PTGFRN: variants seen among roughly 807,000 people sequenced by gnomAD.
The protein encoded by PTGFRN is prostaglandin F2 receptor negative regulator.
Under a neutral mutation model 83.2 loss-of-function variants are expected in PTGFRN, and 35 were observed. That is an observed-to-expected ratio of 0.42 (90% CI 0.32 to 0.56). PTGFRN has a LOEUF of 0.56. Among genes scored for constraint, PTGFRN ranks in the 20% least tolerant of loss-of-function variants. The pLI is 0.11. For missense variants in PTGFRN, 1,051 were observed against 1,179.5 expected, an observed-to-expected ratio of 0.89 and a Z score of 1.60; for synonymous variants, 519 against 498.6, an observed-to-expected ratio of 1.04 and a Z score of -0.55.
At chr1:116,935,236 C>G (rs1465939315) in intron 1 of PTGFRN, among the ~76,000 whole-genome samples, 1 of 152,130 alleles carries the variant, frequency 6.6e-6, no homozygotes, top group Non-Finnish European at 1.5e-5. Context: ...TTCTTAGTAT[C>G]CTTGAACTTC....
intron 4 of PTGFRN, among the ~76,000 whole-genome samples, chr1:116,955,263 T>C (rs1399409339): frequency 6.6e-6 from 1 of 152,232 alleles, no homozygotes; most frequent in Non-Finnish European, 1.5e-5. Flanking sequence ...TCCCTGCTTC[T>C]CAGAACGTTA....
Position 116,984,712 on chromosome 1 carries a change from G to A in PTGFRN, c.2200G>A (p.Val734Met), listed in dbSNP as rs1298248484. The A allele has an allele frequency of 6.2e-7, 1 of 1,614,160 alleles. No homozygotes were observed. The highest frequency in any genetic ancestry group is 8.5e-7 in the Non-Finnish European group (1 of 1,180,024). The change falls in exon 8 of 9, where the codon GTG becomes ATG. Residue 734 changes from valine to methionine, a missense_variant. Val to Met is a conservative substitution (Grantham distance 21). Coordinates refer to ENST00000393203, the MANE Select transcript of PTGFRN (RefSeq NM_020440.4). ...DMAFDVSWFAVHSFGLDKAPV... is the reference protein window; with the variant it reads ...DMAFDVSWFAMHSFGLDKAPV... Reference sequence around the variant, plus strand: ...GGCCTTTGATGTGTCCTGGTTTGCGGTGCACTCTTTTGGCCTGGACAAGGC... The same window carrying A: ...GGCCTTTGATGTGTCCTGGTTTGCGATGCACTCTTTTGGCCTGGACAAGGC...
In PTGFRN at chr1:116,942,100, G is replaced by T. The variant is rs1650078618; in HGVS notation, c.418+17G>T. The stretch of plus-strand genomic sequence containing the variant: ...AGGTTAAAGGTACAGTCCTCACATG[G>T]GCTTGTTATGCCAGGGGCCAGACCT... On this transcript the variant is annotated intron_variant, in intron 2 of 8. Transcript: ENST00000393203. 6.3e-7 allele frequency: 1 copy of T among 1,592,004 alleles called. No individual in the cohort carries two copies. The highest frequency in any genetic ancestry group is 1.1e-5 in the South Asian group (1 of 88,490).
intron 2 of PTGFRN, 45 bp from the exon 3 acceptor site, chr1:116,944,634 G>T: frequency 1.5e-6 from 2 of 1,360,070 alleles, no homozygotes; most frequent in Non-Finnish European, 1.9e-6. Flanking sequence ...TTGCCGGCTG[G>T]GGTCGGTGTG....
chr1:116,962,372 C>A (rs1650689298), intron 5 of PTGFRN: 1 of 152,138 alleles, frequency 6.6e-6, no homozygotes, highest in African/African-American at 2.4e-5. Context: ...GTGCTTTGTC[C>A]CACCAGAAAT....
intron 4 of PTGFRN, among the ~76,000 whole-genome samples, chr1:116,956,475 G>A (rs987811685): frequency 1.3e-5 from 2 of 152,236 alleles, no homozygotes; most frequent in Non-Finnish European, 2.9e-5. Flanking sequence ...GTGGAGAATG[G>A]AGTAGAATGA....
chr1:116,910,304 A>G (rs1389340324), intron 1 of PTGFRN, 52 bp downstream of exon 1: 2 of 1,281,190 alleles, frequency 1.6e-6, no homozygotes, highest in African/African-American at 3.1e-5. Flanking sequence ...GAGGCCCTGG[A>G]GGGCTCGGCG....
chr1:116,953,534 T>C (rs1650400178), intron 4 of PTGFRN, among the ~76,000 whole-genome samples: 1 of 152,072 alleles, frequency 6.6e-6, no homozygotes, highest in Non-Finnish European at 1.5e-5. Context: ...TATAAAGTGC[T>C]TAGTACAGTG....
intron 1 of PTGFRN, among the ~76,000 whole-genome samples, chr1:116,931,653 A>G (rs1372519197): frequency 6.6e-6 from 1 of 151,770 alleles, no homozygotes; most frequent in Non-Finnish European, 1.5e-5. Flanking sequence ...TGACTTAGGG[A>G]CTGTCTAGAT....
chr1:116,910,002 A>C lies in PTGFRN; in HGVS notation c.-202A>C. The C allele has an allele frequency of 1.8e-6, 1 of 562,314 alleles. No individual in the cohort carries two copies. The allele number at this position is 562,314 out of a possible 1,614,324, so 34.8% of individuals were successfully genotyped here. A position where few individuals can be genotyped will look rare whatever the true frequency, so the allele number is the denominator to read the frequency against. On this transcript the variant is annotated 5_prime_UTR_variant, in exon 1 of 9. Coordinates refer to ENST00000393203, the MANE Select transcript of PTGFRN (RefSeq NM_020440.4). ...GCCCGGCCGGCTGGAGGAGGGAGGG[A>C]AGGAGGCGGGAGGGAGCGAGCGGAG... is the stretch of plus-strand genomic sequence containing the variant.
At position 116,961,134 on chromosome 1, in the gene PTGFRN, A is replaced by C; in HGVS notation, c.1214-109A>C. On this transcript the variant is annotated intron_variant, in intron 4 of 8. Transcript: ENST00000393203. The surrounding 1 kb of genome is among the most constrained non-coding windows in gnomAD (Gnocchi z 5.4). The stretch of plus-strand genomic sequence containing the variant: ...TTCTGTCTCTCTAGTCCGGCAGGAG[A>C]AGCATTTAATTGTTAAAACAAGAGC... The C allele has an allele frequency of 8.7e-7, 1 of 1,154,012 alleles. No individual in the cohort carries two copies. Among genetic ancestry groups the C allele is most frequent in the Non-Finnish European group, 1.2e-6 (1 of 854,500 alleles). 71.5% of individuals were successfully genotyped at this position (1,154,012 alleles called of 1,614,324 possible). A position where few individuals can be genotyped will look rare whatever the true frequency, so the allele number is the denominator to read the frequency against.
chr1:116,943,247 A>G (rs1650104023), intron 2 of PTGFRN, among the ~76,000 whole-genome samples: 1 of 152,246 alleles, frequency 6.6e-6, no homozygotes, highest in Non-Finnish European at 1.5e-5. Flanking sequence ...GAAACACCCC[A>G]TCTACCTCTT....
intron 1 of PTGFRN, among the ~76,000 whole-genome samples, chr1:116,933,479 T>C (rs1649848736): frequency 6.6e-6 from 1 of 152,198 alleles, no homozygotes; most frequent in Non-Finnish European, 1.5e-5. Flanking sequence ...ATTACTAATA[T>C]TGTATTTATA....
rs1289266449 is a variant in PTGFRN, at chr1:116,910,203, C to G, written c.-1C>G. 1.2e-5 allele frequency: 18 copies of G among 1,476,058 alleles called. No homozygotes were observed. In the East Asian group the frequency reaches 4.6e-4, roughly 37 times the overall value. The allele number at this position is 1,476,058 out of a possible 1,614,324, so 91.4% of individuals were successfully genotyped here. A position where few individuals can be genotyped will look rare whatever the true frequency, so the allele number is the denominator to read the frequency against. ...GGGAGAGTCGCTCCCGCCGGGCGAG[C>G]ATGGGGCGCCTGGCCTCGAGGCCGC... On this transcript the variant is annotated 5_prime_UTR_variant, in exon 1 of 9. Coordinates refer to ENST00000393203, the MANE Select transcript of PTGFRN (RefSeq NM_020440.4).
At chr1:116,910,570 C>T (rs2088910086) in intron 1 of PTGFRN, among the ~76,000 whole-genome samples, 1 of 152,080 alleles carries the variant, frequency 6.6e-6, no homozygotes, top group Non-Finnish European at 1.5e-5. Context: ...TGTTGGCCGC[C>T]GGGAGCCCGG....
intron 1 of PTGFRN, among the ~76,000 whole-genome samples, chr1:116,933,903 T>G (rs1649858532): frequency 6.6e-6 from 1 of 152,242 alleles, no homozygotes; most frequent in Admixed American, 6.5e-5. Context: ...ATATCTTATC[T>G]TGCATCTGTG....
rs1339189756 is a variant in PTGFRN at position 116,958,378 on chromosome 1, T to C, written c.1214-2865T>C. Reference sequence around the variant, plus strand: ...GTCAGTCAGTGGAACTTAGAAAATATGAAGTTTAGAAGACAGTAGGTTTGG... The same window carrying C: ...GTCAGTCAGTGGAACTTAGAAAATACGAAGTTTAGAAGACAGTAGGTTTGG... On this transcript the variant is annotated intron_variant, in intron 4 of 8. Transcript: ENST00000393203. The surrounding 1 kb of genome is among the most constrained non-coding windows in gnomAD (Gnocchi z 4.9). Among the ~76,000 whole-genome samples, 2 of 152,160 alleles carry C rather than the reference T, an allele frequency of 1.3e-5. No individual in the cohort carries two copies. Among genetic ancestry groups the C allele is most frequent in the African/African-American group, 4.8e-5 (2 of 41,442 alleles).
chr1:116,938,172 C>T (rs969241830), intron 1 of PTGFRN, among the ~76,000 whole-genome samples: 5 of 152,172 alleles, frequency 3.3e-5, no homozygotes, highest in South Asian at 2.1e-4. Context: ...ATTATTTCAA[C>T]GTTCTTTGAG....
intron 4 of PTGFRN, among the ~76,000 whole-genome samples, chr1:116,955,706 A>G (rs1167120620): frequency 1.3e-5 from 2 of 152,222 alleles, no homozygotes; most frequent in Non-Finnish European, 2.9e-5. Flanking sequence ...AAAATATTAA[A>G]TTTAGTTCAA....
Sources: gnomAD v4.1 joint callset for allele counts (sites outside exome capture counted in the v4.1 genomes callset) on GRCh38, gnomAD v4.1.1 for gene constraint, Gnocchi (gnomAD v3.1) non-coding constraint, MANE v1.5 for transcripts, NCBI Gene and HGNC (gene_info 2026-07-23, HGNC 2026-07-21) for gene names.